Variants in FBXO7 observed in about 807,000 individuals in gnomAD.
FBXO7 encodes F-box protein 7.
Under a neutral mutation model 50.2 loss-of-function variants are expected in FBXO7, and 31 were observed. That is an observed-to-expected ratio of 0.62 (90% CI 0.46 to 0.83). FBXO7 has a LOEUF of 0.83. Among genes scored for constraint, FBXO7 ranks in the 40% least tolerant of loss-of-function variants. The pLI, the probability that FBXO7 is intolerant of heterozygous loss-of-function variation, is 0.00. For synonymous variants in FBXO7, 256 were observed against 253.1 expected, an observed-to-expected ratio of 1.01 and a Z score of -0.11; for missense variants, 667 against 646.6, an observed-to-expected ratio of 1.03 and a Z score of -0.34.
At chr22:32,475,491 G>C (rs2057422023) in intron 1 of FBXO7, 8 of 1,518,514 alleles carry the variant, frequency 5.3e-6, no homozygotes, top group Admixed American at 3.7e-5. Context: ...AGTTGGAAAT[G>C]ATGAGCTTGG....
chr22:32,475,648 A>G, intron 1 of FBXO7: 1 of 508,544 alleles, frequency 2.0e-6, no homozygotes, highest in Non-Finnish European at 3.4e-6. Context: ...GCTGCTGTGA[A>G]GCGGCAACAA....
In FBXO7 at chr22:32,493,243, C is replaced by T. The variant is rs1456827714; in HGVS notation, c.1106C>T (p.Pro369Leu). The T allele has an allele frequency of 5.0e-6, 8 of 1,614,116 alleles. No homozygotes were observed. Among genetic ancestry groups the T allele is most frequent in the South Asian group, 1.1e-5 (1 of 91,076 alleles). Residue 369 changes from proline (P) to leucine (L), a missense_variant, in exon 7 of 9, where the codon CCA (proline) becomes CTA (leucine). By Grantham distance (98) the Pro-to-Leu change is moderately conservative. Transcript: ENST00000266087. ...CRDLFTASND[P>L]LLWRFLYLRD... ...GACCTCTTTACTGCTTCAAATGACC[C>T]ACTCCTGTGGAGGTTTTTATATCTG... is the stretch of plus-strand genomic sequence containing the variant.
rs141616232 is a variant in FBXO7, at chr22:32,496,299, G to A, written c.1182+769G>A. On this transcript the variant is annotated intron_variant, in intron 8 of 8. Coordinates refer to ENST00000266087, the MANE Select transcript of FBXO7 (RefSeq NM_012179.4). ...AGTTGGAGACCATCTTGGCTAACAC[G>A]GTGAAACCCTGTCTCTACTAAAAAT... Among the ~76,000 whole-genome samples, 734 of 152,226 alleles carry A rather than the reference G, an allele frequency of 4.8e-3. 4 individuals carry two copies. The highest frequency in any genetic ancestry group is 0.016 in the African/African-American group (671 of 41,536).
rs764392723 is a variant in FBXO7 at position 32,479,159 on chromosome 22, A to C, written c.301A>C (p.Asn101His). 1.9e-6 allele frequency: 3 copies of C among 1,614,138 alleles called. 1 individual carries two copies. Among genetic ancestry groups the C allele is most frequent in the Middle Eastern group, 3.3e-4 (2 of 6,062 alleles). The change falls in exon 2 of 9, where the codon AAT becomes CAT. Residue 101 changes from asparagine (N) to histidine (H), a missense_variant. Coordinates refer to ENST00000266087, the MANE Select transcript of FBXO7 (RefSeq NM_012179.4). ...TDSEHSSLQNNEQPSLATSSN... is the reference protein window; with the variant it reads ...TDSEHSSLQNHEQPSLATSSN... ...TTCAGAGCATTCTTCACTCCAGAAT[A>C]ATGAGCAACCCTCTTTGGCCACCAG...
chr22:32,478,759 A>C (rs1390072942), intron 1 of FBXO7, among the ~76,000 whole-genome samples: 1 of 152,094 alleles, frequency 6.6e-6, no homozygotes, highest in East Asian at 1.9e-4. Flanking sequence ...GTAGCTGGAC[A>C]TGGTGGCTTA....
At chr22:32,493,386 CAATA>C in intron 7 of FBXO7, 105 bp downstream of exon 7, 4 of 892,854 alleles carry the variant, frequency 4.5e-6, no homozygotes, top group Non-Finnish European at 7.4e-6. Flanking sequence ...CAAATGATTA[CAATA>C]AATAGCCTTA....
At chr22:32,495,665 G>T in intron 8 of FBXO7, 135 bp downstream of exon 8, 1 of 450,656 alleles carries the variant, frequency 2.2e-6, no homozygotes. Context: ...TTCAGTAAAT[G>T]AAAATGTTTT....
rs569016949 is a variant in FBXO7, at chr22:32,477,278, C to T, written c.123-1703C>T. Among the ~76,000 whole-genome samples the T allele has an allele frequency of 3.3e-5, 5 of 152,250 alleles. No individual in the cohort carries two copies. In the South Asian group the frequency reaches 1.0e-3, roughly 32 times the overall value. On this transcript the variant is annotated intron_variant, in intron 1 of 8. Transcript: ENST00000266087. The stretch of plus-strand genomic sequence containing the variant: ...ATAAAAACAAGAATTATTTGGAGCA[C>T]TTTTCAAAATGCAGCATTGTAAGAA...
chr22:32,489,584 T>C (rs1451186861), intron 5 of FBXO7: 1 of 152,190 alleles, frequency 6.6e-6, no homozygotes. Context: ...AAATACAGGA[T>C]AGGAATAGAT....
At position 32,491,479 on chromosome 22, in the gene FBXO7, T is replaced by C. The variant is rs888168161; in HGVS notation, c.967+298T>C. On this transcript the variant is annotated intron_variant, in intron 6 of 8. Coordinates refer to ENST00000266087, the MANE Select transcript of FBXO7 (RefSeq NM_012179.4). ...TAGGGAATATATCTTACTTTTGTAT[T>C]CTTGTGGTCTAGCATGAGGTCAGGT... The C allele has an allele frequency of 2.2e-5, 7 of 320,502 alleles. No homozygotes were observed. The East Asian group carries it at 5.0e-4, about 23-fold the overall frequency. The allele number at this position is 320,502 out of a possible 1,614,324, so 19.9% of individuals were successfully genotyped here. A position where few individuals can be genotyped will look rare whatever the true frequency, so the allele number is the denominator to read the frequency against.
chr22:32,498,609 C>T lies in FBXO7; in HGVS notation c.*79C>T. 1 of 1,484,602 alleles carries T rather than the reference C, an allele frequency of 6.7e-7. No individual in the cohort carries two copies. Among genetic ancestry groups the T allele is most frequent in the Admixed American group, 1.9e-5 (1 of 51,818 alleles). 92.0% of individuals were successfully genotyped at this position (1,484,602 alleles called of 1,614,324 possible). The stretch of plus-strand genomic sequence containing the variant: ...GATGTCAACTCCTTGGGGTGCTGAT[C>T]TCGAGTGTTATTTTCTGATTGTGGT... On this transcript the variant is annotated 3_prime_UTR_variant, in exon 9 of 9. Transcript: ENST00000266087.
intron 1 of FBXO7, among the ~76,000 whole-genome samples, chr22:32,476,548 A>AT (rs1355330986): frequency 4.6e-5 from 7 of 152,118 alleles, no homozygotes; most frequent in African/African-American, 7.2e-5. Context: ...AAGTAAACTC[A>AT]TTTTTTCTGA....
Position 32,485,103 on chromosome 22 carries a change from G to C in FBXO7, c.681G>C (p.Lys227Asn). Residue 227 changes from lysine (K) to asparagine (N), a missense_variant, in exon 4 of 9, where the codon AAG (lysine) becomes AAC (asparagine). Coordinates refer to ENST00000266087, the MANE Select transcript of FBXO7 (RefSeq NM_012179.4). The stretch of plus-strand genomic sequence containing the variant: ...CCAAAGCACTGTCCATGCCGGAGAA[G>C]TGGAAGTTGAGCGGGGTGTATAAGC... ...TEAKALSMPEKWKLSGVYKLQ... is the reference protein window; with the variant it reads ...TEAKALSMPENWKLSGVYKLQ... The C allele has an allele frequency of 6.2e-7, 1 of 1,614,228 alleles. No individual in the cohort carries two copies. Among genetic ancestry groups the C allele is most frequent in the Non-Finnish European group, 8.5e-7 (1 of 1,180,046 alleles).
At chr22:32,493,441 C>T (rs1337992917) in intron 7 of FBXO7, among the ~76,000 whole-genome samples, 160 bp downstream of exon 7, 2 of 152,120 alleles carry the variant, frequency 1.3e-5, no homozygotes, top group African/African-American at 4.8e-5. Flanking sequence ...TGCCTGTGTC[C>T]CTAAAACTCT....
intron 2 of FBXO7, among the ~76,000 whole-genome samples, chr22:32,479,862 CCTTG>C (rs1162509892): frequency 6.6e-6 from 1 of 152,118 alleles, no homozygotes; most frequent in East Asian, 1.9e-4. Context: ...TGATTCCTAG[CCTTG>C]CTTCTCTGAT....
intron 1 of FBXO7, chr22:32,475,351 T>C (rs1291237203): frequency 6.2e-7 from 1 of 1,608,912 alleles, no homozygotes; most frequent in Non-Finnish European, 8.5e-7. Context: ...GGGGTCCGGC[T>C]CCTGGAGAAC....
chr22:32,494,842 C>A (rs572000090), intron 7 of FBXO7, among the ~76,000 whole-genome samples: 1 of 152,278 alleles, frequency 6.6e-6, no homozygotes, highest in African/African-American at 2.4e-5. Flanking sequence ...TACTTCCATG[C>A]TAATGTAGTA....
chr22:32,491,584 T>C (rs1324532894), intron 6 of FBXO7: 2 of 85,368 alleles, frequency 2.3e-5, no homozygotes, highest in Non-Finnish European at 4.7e-5. Context: ...TATATGTCTA[T>C]ATAGACATAT....
intron 1 of FBXO7, among the ~76,000 whole-genome samples, chr22:32,476,982 T>C (rs1483503121): frequency 6.6e-6 from 1 of 152,244 alleles, no homozygotes; most frequent in Admixed American, 6.5e-5. Context: ...TACCTTGTAC[T>C]AGATACTGTT....
Sources: gnomAD v4.1 joint callset for allele counts (sites outside exome capture counted in the v4.1 genomes callset) on GRCh38, gnomAD v4.1.1 for gene constraint, MANE v1.5 for transcripts, NCBI Gene and HGNC (gene_info 2026-07-23, HGNC 2026-07-21) for gene names.